HIBADH: variants seen among roughly 807,000 people sequenced by gnomAD.
The protein encoded by HIBADH is 3-hydroxyisobutyrate dehydrogenase, mitochondrial.
Under a neutral mutation model 36.1 loss-of-function variants are expected in HIBADH, and 25 were observed. The observed-to-expected ratio is 0.69, with a 90% CI of 0.50 to 0.97. HIBADH has a LOEUF of 0.97. HIBADH is among the 50% of genes least tolerant of loss of function. The pLI is 0.00. For synonymous variants in HIBADH, 160 were observed against 149.5 expected (o/e 1.07, Z -0.51); for missense variants, 421 against 418.0 (o/e 1.01, Z -0.06).
chr7:27,658,691 C>T (rs1786353843), intron 1 of HIBADH, among the ~76,000 whole-genome samples: 1 of 151,984 alleles, frequency 6.6e-6, no homozygotes, highest in African/African-American at 2.4e-5. Flanking sequence ...ATAAAAAAAA[C>T]ATTTTGCATG....
intron 4 of HIBADH, among the ~76,000 whole-genome samples, chr7:27,559,362 C>G (rs1291246789): frequency 6.6e-6 from 1 of 152,128 alleles, no homozygotes; most frequent in Non-Finnish European, 1.5e-5. Context: ...TGGCTCATGC[C>G]TATAATGTCA....
intron 2 of HIBADH, 146 bp downstream of exon 2, chr7:27,649,327 G>T: frequency 3.6e-6 from 2 of 548,310 alleles, no homozygotes; most frequent in Non-Finnish European, 6.0e-6. Flanking sequence ...TCTGGATGTT[G>T]GATGAATGAT....
At chr7:27,609,233 T>G (rs2128291569) in intron 4 of HIBADH, among the ~76,000 whole-genome samples, 1 of 152,328 alleles carries the variant, frequency 6.6e-6, no homozygotes, top group African/African-American at 2.4e-5. Context: ...TCAACCATGT[T>G]ATCTTGGGCA....
intron 3 of HIBADH, 111 bp downstream of exon 3, chr7:27,632,225 A>G (rs1785759017): frequency 1.4e-6 from 1 of 718,122 alleles, no homozygotes; most frequent in Non-Finnish European, 2.3e-6. Flanking sequence ...TATGAAATAA[A>G]AACAGTATAG....
intron 2 of HIBADH, among the ~76,000 whole-genome samples, chr7:27,639,556 A>G (rs1474127328): frequency 1.3e-5 from 2 of 152,148 alleles, no homozygotes; most frequent in African/African-American, 2.4e-5. Flanking sequence ...ATTTACCTAT[A>G]TAACAAACCT....
intron 4 of HIBADH, among the ~76,000 whole-genome samples, chr7:27,562,385 A>G (rs894685454): frequency 1.3e-5 from 2 of 152,160 alleles, no homozygotes; most frequent in African/African-American, 2.4e-5. Flanking sequence ...TCCACAATTT[A>G]TATTTTATTT....
chr7:27,636,915 T>C (rs1379446323), intron 2 of HIBADH, among the ~76,000 whole-genome samples: 1 of 152,260 alleles, frequency 6.6e-6, no homozygotes, highest in African/African-American at 2.4e-5. Flanking sequence ...AATTTGTATC[T>C]TCATTCTTTC....
At chr7:27,548,416 G>C (rs1222890747) in intron 4 of HIBADH, among the ~76,000 whole-genome samples, 1 of 151,910 alleles carries the variant, frequency 6.6e-6, no homozygotes, top group Non-Finnish European at 1.5e-5. Flanking sequence ...GGAGAATGGA[G>C]GTGGGGGAAG....
chr7:27,649,709 C>A, intron 1 of HIBADH, 76 bp from the exon 2 acceptor site: 1 of 1,316,206 alleles, frequency 7.6e-7, no homozygotes, highest in South Asian at 1.6e-5. Flanking sequence ...ATTAGCAAGT[C>A]AATTGTTAGA....
chr7:27,547,521 A>G (rs911389275), intron 4 of HIBADH, among the ~76,000 whole-genome samples: 1 of 152,186 alleles, frequency 6.6e-6, no homozygotes, highest in East Asian at 1.9e-4. Flanking sequence ...CTAGTACATA[A>G]GAGATTCTCA....
At chr7:27,656,772 A>G (rs1176682421) in intron 1 of HIBADH, among the ~76,000 whole-genome samples, 2 of 152,248 alleles carry the variant, frequency 1.3e-5, no homozygotes, top group Non-Finnish European at 2.9e-5. Flanking sequence ...ATGAAGTGGC[A>G]CAGTGAAATT....
intron 7 of HIBADH, among the ~76,000 whole-genome samples, chr7:27,530,058 C>T (rs1783969000): frequency 6.6e-6 from 1 of 152,172 alleles, no homozygotes; most frequent in Non-Finnish European, 1.5e-5. Context: ...CTAATGCACA[C>T]TTAATAGACT....
At chr7:27,549,988 A>T (rs1315648766) in intron 4 of HIBADH, among the ~76,000 whole-genome samples, 1 of 152,090 alleles carries the variant, frequency 6.6e-6, no homozygotes, top group African/African-American at 2.4e-5. Flanking sequence ...GCTCATTGCA[A>T]CCTCTGCCTC....
At chr7:27,561,383 ATAAATTCTTTAGAAATGTGATTC>A (rs1784465259) in intron 4 of HIBADH, among the ~76,000 whole-genome samples, 1 of 152,074 alleles carries the variant, frequency 6.6e-6, no homozygotes, top group Non-Finnish European at 1.5e-5. Flanking sequence ...ACTAAAAAAA[ATAAATTCTTTAGAAATGTGATTC>A]TAAATTTTAA....
At chr7:27,536,349 A>G (rs989131320) in intron 6 of HIBADH, among the ~76,000 whole-genome samples, 1 of 152,110 alleles carries the variant, frequency 6.6e-6, no homozygotes, top group Non-Finnish European at 1.5e-5. Flanking sequence ...ACAGTTAAGT[A>G]TAACTAGTGA....
intron 1 of HIBADH, among the ~76,000 whole-genome samples, chr7:27,652,250 G>A (rs1366508361): frequency 2.0e-5 from 3 of 152,114 alleles, no homozygotes; most frequent in African/African-American, 7.2e-5. Context: ...AACATTGTAT[G>A]ATACTGCCCT....
chr7:27,540,597 T>C (rs1490389323), intron 5 of HIBADH, among the ~76,000 whole-genome samples: 6 of 152,232 alleles, frequency 3.9e-5, no homozygotes, highest in Non-Finnish European at 8.8e-5. Flanking sequence ...AACAATGGCA[T>C]CTTCAATGGT....
At chr7:27,591,483 G>A (rs966585465) in intron 4 of HIBADH, among the ~76,000 whole-genome samples, 5 of 151,828 alleles carry the variant, frequency 3.3e-5, no homozygotes, top group African/African-American at 1.2e-4. Flanking sequence ...CCCGGGAGGC[G>A]GAGGTTGCAG....
intron 4 of HIBADH, among the ~76,000 whole-genome samples, chr7:27,560,365 T>C (rs1459586370): frequency 6.6e-6 from 1 of 152,240 alleles, no homozygotes; most frequent in Admixed American, 6.5e-5. Context: ...GTGATCCACC[T>C]GTCTCTGCTT....
Sources: gnomAD v4.1 joint callset for allele counts (sites outside exome capture counted in the v4.1 genomes callset) on GRCh38, gnomAD v4.1.1 for gene constraint, MANE v1.5 for transcripts, NCBI Gene and HGNC (gene_info 2026-07-23, HGNC 2026-07-21) for gene names.